The following NAA50 variants were observed in gnomAD, a reference collection of about 807,000 sequenced individuals.
NAA50 encodes N-alpha-acetyltransferase 50, NatE catalytic subunit, also known as N-alpha-acetyltransferase 50.
NAA50 carries 7 observed loss-of-function variants against 20.7 expected under a neutral mutation model. That is an observed-to-expected ratio of 0.34 (90% CI 0.19 to 0.63). The LOEUF (loss-of-function observed/expected upper bound fraction) is 0.63, where lower values mean the gene tolerates loss of function less well. Ranked by LOEUF, NAA50 falls within the 30% of genes least tolerant of loss-of-function variation. The probability of loss-of-function intolerance (pLI) is 0.75; values close to 1 mark genes in which losing one functional copy is unlikely to be tolerated. For synonymous variants in NAA50, 54 were observed against 70.6 expected (o/e 0.77, Z 1.18); for missense variants, 111 against 199.1 (o/e 0.56, Z 2.66).
chr3:113,740,718 T>G (rs1708402976), intron 1 of NAA50: 1 of 162,374 alleles, frequency 6.2e-6, no homozygotes, highest in Non-Finnish European at 1.3e-5. Context: ...AATTTAGTTC[T>G]GTCATACAAG....
At chr3:113,727,030 G>C (rs989981271) in intron 1 of NAA50, among the ~76,000 whole-genome samples, 4 of 152,168 alleles carry the variant, frequency 2.6e-5, no homozygotes, top group Non-Finnish European at 5.9e-5. Flanking sequence ...GAGCTCAAGT[G>C]ATCCGCCCAC....
At chr3:113,726,486 T>TAAAAA (rs67748316) in intron 1 of NAA50, among the ~76,000 whole-genome samples, 4 of 141,666 alleles carry the variant, frequency 2.8e-5, no homozygotes, top group African/African-American at 5.2e-5. Flanking sequence ...ACCATTCACA[T>TAAAAA]AAAAAAAAAA....
At chr3:113,738,618 GC>G (rs1452686230) in intron 1 of NAA50, among the ~76,000 whole-genome samples, 2 of 152,122 alleles carry the variant, frequency 1.3e-5, no homozygotes, top group Admixed American at 1.3e-4. Context: ...GACAACCAAG[GC>G]CCAGAGGTTG....
At chr3:113,733,373 G>GT (rs1449723000) in intron 1 of NAA50, among the ~76,000 whole-genome samples, 2 of 151,458 alleles carry the variant, frequency 1.3e-5, no homozygotes, top group Admixed American at 6.6e-5. Flanking sequence ...AACTATTAGC[G>GT]TAAGAGATAA....
chr3:113,725,724 T>C (rs982294891), intron 1 of NAA50, among the ~76,000 whole-genome samples: 2 of 152,152 alleles, frequency 1.3e-5, no homozygotes, highest in African/African-American at 4.8e-5. Flanking sequence ...TATGATTGTG[T>C]ACCATTGCAT....
At chr3:113,728,617 G>A (rs1708231034) in intron 1 of NAA50, among the ~76,000 whole-genome samples, 1 of 152,196 alleles carries the variant, frequency 6.6e-6, no homozygotes, top group Non-Finnish European at 1.5e-5. Context: ...TGCGGAAGCT[G>A]AAAAAGAACC....
At chr3:113,740,057 G>A (rs1708394024) in intron 1 of NAA50, among the ~76,000 whole-genome samples, 2 of 151,642 alleles carry the variant, frequency 1.3e-5, no homozygotes, top group Non-Finnish European at 2.9e-5. Flanking sequence ...ACAAGAGGGA[G>A]AAATCATTTA....
In NAA50 at chr3:113,746,069, G is replaced by C; in HGVS notation, c.-120C>G. On this transcript the variant is annotated 5_prime_UTR_variant, in exon 1 of 5. Coordinates refer to ENST00000240922, the MANE Select transcript of NAA50 (RefSeq NM_025146.4). ...CCCCGCAAGCCGGCCTCCTAGCCTG[G>C]GCAGGGAGCTGTGCGAGCAACGAAG... The C allele has an allele frequency of 2.2e-6, 3 of 1,376,316 alleles. No individual in the cohort carries two copies. The highest frequency in any genetic ancestry group is 2.5e-5 in the South Asian group (2 of 78,526). The allele number at this position is 1,376,316 out of a possible 1,614,324, so 85.3% of individuals were successfully genotyped here.
rs78879645 is a variant in NAA50 at position 113,716,741 on chromosome 3, A to G, written c.*5019T>C. ...GGACAGTAAAACAAGTAAAACTGGGATGAAATTAAAGCTATGTGGCAAATT... is the reference window on the plus strand; with the variant it reads ...GGACAGTAAAACAAGTAAAACTGGGGTGAAATTAAAGCTATGTGGCAAATT... On this transcript the variant is annotated 3_prime_UTR_variant, in exon 5 of 5. Coordinates refer to ENST00000240922, the MANE Select transcript of NAA50 (RefSeq NM_025146.4). The G allele has an allele frequency of 6.6e-6, 1 of 152,240 alleles. No homozygotes were observed. The highest frequency in any genetic ancestry group is 2.4e-5 in the African/African-American group (1 of 41,468). 9.4% of individuals were successfully genotyped at this position (152,240 alleles called of 1,614,324 possible).
chr3:113,726,484 C>T (rs935924628), intron 1 of NAA50, among the ~76,000 whole-genome samples: 23 of 126,964 alleles, frequency 1.8e-4, no homozygotes, highest in Non-Finnish European at 3.1e-4. Flanking sequence ...CTACCATTCA[C>T]ATAAAAAAAA....
At position 113,746,200 on chromosome 3, in the gene NAA50, C is replaced by T. The variant is rs563850168; in HGVS notation, c.-251G>A. 2.9e-4 allele frequency: 145 copies of T among 508,476 alleles called. No homozygotes were observed. The highest frequency in any genetic ancestry group is 2.6e-3 in the African/African-American group (127 of 48,978). The allele number at this position is 508,476 out of a possible 1,614,324, so 31.5% of individuals were successfully genotyped here. On this transcript the variant is annotated 5_prime_UTR_variant, in exon 1 of 5. Coordinates refer to ENST00000240922, the MANE Select transcript of NAA50 (RefSeq NM_025146.4). ...ACACGTGCACTCGGGTCTCTCGGCT[C>T]CCTCCCGCCGCTGCCGCCAGCCAGA...
At chr3:113,725,553 C>A (rs1708188755) in intron 1 of NAA50, among the ~76,000 whole-genome samples, 1 of 151,982 alleles carries the variant, frequency 6.6e-6, no homozygotes, top group African/African-American at 2.4e-5. Context: ...ATCCTTTGAG[C>A]CCTGGAGTTC....
intron 1 of NAA50, among the ~76,000 whole-genome samples, chr3:113,725,916 T>C (rs1204175176): frequency 2.0e-5 from 3 of 152,318 alleles, no homozygotes; most frequent in East Asian, 1.9e-4. Flanking sequence ...ACATTCTACT[T>C]GGTAAGGAGT....
In NAA50 at chr3:113,716,937, A is replaced by T. The variant is rs181421444; in HGVS notation, c.*4823T>A. 6.6e-6 allele frequency: 1 copy of T among 152,326 alleles called. No individual in the cohort carries two copies. Among genetic ancestry groups the T allele is most frequent in the East Asian group, 1.9e-4 (1 of 5,190 alleles). 9.4% of individuals were successfully genotyped at this position (152,326 alleles called of 1,614,324 possible). On this transcript the variant is annotated 3_prime_UTR_variant, in exon 5 of 5. Transcript: ENST00000240922. ...TGTTAACAAGTAGCAACTCCTTCAT[A>T]TTAACTTTCTGCTCCCAACTATTTC...
rs1340585366 is a variant in NAA50 at position 113,722,977 on chromosome 3, T to TAATA, written c.266-9_266-6dup. 4.6e-6 allele frequency: 7 copies of TAATA among 1,520,882 alleles called. No individual in the cohort carries two copies. The highest frequency in any genetic ancestry group is 6.2e-6 in the Non-Finnish European group (7 of 1,124,810). 94.2% of individuals were successfully genotyped at this position (1,520,882 alleles called of 1,614,324 possible). The stretch of plus-strand genomic sequence containing the variant: ...CATGATTTAACATTTTAGTTCCTGT[T>TAATA]AATAAAATAAATAACAAACACGTGA... On this transcript the variant is annotated splice_polypyrimidine_tract_variant and splice_region_variant and intron_variant, in intron 3 of 4. Transcript: ENST00000240922.
chr3:113,733,809 C>A (rs545603111), intron 1 of NAA50, among the ~76,000 whole-genome samples: 2 of 131,296 alleles, frequency 1.5e-5, no homozygotes, highest in Admixed American at 1.8e-4. Context: ...GCTGAGATCA[C>A]GATGCTGCAC....
chr3:113,731,326 T>C (rs1708269986), intron 1 of NAA50, among the ~76,000 whole-genome samples: 1 of 152,174 alleles, frequency 6.6e-6, no homozygotes, highest in Admixed American at 6.5e-5. Flanking sequence ...CAAATTTATT[T>C]CATGGATTTA....
intron 1 of NAA50, chr3:113,741,297 A>G (rs1461192620): frequency 8.5e-6 from 3 of 354,276 alleles, no homozygotes; most frequent in Non-Finnish European, 5.5e-6. Flanking sequence ...CACAAGGTAC[A>G]TTTCAACTGC....
intron 1 of NAA50, among the ~76,000 whole-genome samples, chr3:113,727,629 G>C (rs1708215706): frequency 6.7e-6 from 1 of 150,258 alleles, no homozygotes; most frequent in Non-Finnish European, 1.5e-5. Context: ...AAAAATACAT[G>C]CCTTTTTTTT....
Sources: allele counts gnomAD v4.1 joint callset (sites outside exome capture counted in the v4.1 genomes callset), GRCh38; gene constraint gnomAD v4.1.1; transcripts MANE v1.5; gene names NCBI Gene and HGNC (gene_info 2026-07-23, HGNC 2026-07-21).